Variants in ZFHX3 observed in about 807,000 individuals in gnomAD.
ZFHX3 encodes zinc finger homeobox protein 3.
ZFHX3 carries 42 observed loss-of-function variants against 279.1 expected under a neutral mutation model. The ratio of observed to expected loss-of-function variants is 0.15; its 90% CI spans 0.12 to 0.19. ZFHX3 has a LOEUF of 0.19. Among genes scored for constraint, ZFHX3 ranks in the 10% least tolerant of loss-of-function variants. The probability of loss-of-function intolerance (pLI) is 1.00; values close to 1 mark genes in which losing one functional copy is unlikely to be tolerated. For missense variants in ZFHX3, 4,981 were observed against 4,754.0 expected (o/e 1.05, Z -1.40); for synonymous variants, 2,293 against 1,957.8 (o/e 1.17, Z -4.52).
At chr16:73,874,534 C>T (rs143080594) in intron 1 of ZFHX3, among the ~76,000 whole-genome samples, 130 of 152,326 alleles carry the variant, frequency 8.5e-4, no homozygotes, top group African/African-American at 3.1e-3. Flanking sequence ...CTCACTGCTA[C>T]GGGCAGTTGC....
intron 2 of ZFHX3, among the ~76,000 whole-genome samples, chr16:73,554,482 C>T (rs2020245325): frequency 6.6e-6 from 1 of 152,228 alleles, no homozygotes; most frequent in Admixed American, 6.5e-5. Context: ...TTGCAAATAG[C>T]ACTTAAACGC....
intron 5 of ZFHX3, among the ~76,000 whole-genome samples, chr16:73,192,066 T>C (rs1412270339): frequency 6.6e-6 from 1 of 152,134 alleles, no homozygotes; most frequent in African/African-American, 2.4e-5. Context: ...TCAGGTTGCT[T>C]TTCTTCTTAT....
At chr16:73,847,118 A>G (rs1597141723) in intron 1 of ZFHX3, among the ~76,000 whole-genome samples, 2 of 152,188 alleles carry the variant, frequency 1.3e-5, no homozygotes, top group African/African-American at 2.4e-5. Flanking sequence ...CCTGACCAAC[A>G]TGGTGAAACC....
At chr16:73,884,053 G>C (rs1317921342) in intron 1 of ZFHX3, among the ~76,000 whole-genome samples, 1 of 152,170 alleles carries the variant, frequency 6.6e-6, no homozygotes, top group Admixed American at 6.5e-5. Flanking sequence ...ACCACACATA[G>C]AGTAACAGCT....
chr16:73,695,915 T>C (rs1318753218), intron 1 of ZFHX3, among the ~76,000 whole-genome samples: 1 of 152,146 alleles, frequency 6.6e-6, no homozygotes, highest in Non-Finnish European at 1.5e-5. Flanking sequence ...ACAAAGCAGA[T>C]GTAGGAGCAA....
chr16:73,563,173 TGTGTGTGTGTGTG>T (rs753270058), intron 2 of ZFHX3, among the ~76,000 whole-genome samples: 26 of 2,780 alleles, frequency 9.4e-3, no homozygotes, highest in African/African-American at 0.026. Context: ...TGTTTTGTTG[TGTGTGTGTGTGTG>T]TGTGTGTGTG....
rs144110287 is a variant in ZFHX3, at chr16:73,653,268, C to T, written c.-1547+26912G>A. Among the ~76,000 whole-genome samples the T allele has an allele frequency of 9.9e-5, 15 of 152,256 alleles. No homozygotes were observed. In the East Asian group the frequency reaches 2.7e-3, roughly 27 times the overall value. Reference sequence around the variant, plus strand: ...AATAACCTGTGTGGAACATTATACTCAGCAACTACACAACAGATTTCTTCC... The same window carrying T: ...AATAACCTGTGTGGAACATTATACTTAGCAACTACACAACAGATTTCTTCC... On this transcript the variant is annotated intron_variant, in intron 2 of 17. Coordinates refer to the ZFHX3 transcript ENST00000641206.
chr16:73,172,837 C>T (rs528328311), intron 5 of ZFHX3, among the ~76,000 whole-genome samples: 1 of 151,932 alleles, frequency 6.6e-6, no homozygotes, highest in African/African-American at 2.4e-5. Context: ...CATTGACAGT[C>T]GCCCTAAAAC....
rs145145241 is a variant in ZFHX3 at position 72,916,629 on chromosome 16, A to C, written c.3217-26667T>G. On this transcript the variant is annotated intron_variant, in intron 3 of 9. Coordinates refer to ENST00000268489, the MANE Select transcript of ZFHX3 (RefSeq NM_006885.4). Reference sequence around the variant, plus strand: ...CAGTGCAAAACTAAACAATGGAGACAGTTCTGTATGGCCCCAAGAAAAGGC... The same window carrying C: ...CAGTGCAAAACTAAACAATGGAGACCGTTCTGTATGGCCCCAAGAAAAGGC... Among the ~76,000 whole-genome samples the C allele has an allele frequency of 1.7e-3, 266 of 152,340 alleles. 3 individuals carry two copies. The highest frequency in any genetic ancestry group is 0.015 in the Admixed American group (230 of 15,292).
intron 2 of ZFHX3, among the ~76,000 whole-genome samples, chr16:73,538,804 C>T (rs953766375): frequency 5.3e-5 from 8 of 152,154 alleles, no homozygotes; most frequent in African/African-American, 1.2e-4. Context: ...ATCGGGCAAA[C>T]GACAATAACA....
chr16:73,309,198 A>G (rs1305964688), intron 4 of ZFHX3, among the ~76,000 whole-genome samples: 1 of 152,048 alleles, frequency 6.6e-6, no homozygotes, highest in Non-Finnish European at 1.5e-5. Context: ...CTAGTACCCC[A>G]TAGTTGTTTT....
intron 2 of ZFHX3, among the ~76,000 whole-genome samples, chr16:73,658,001 AAGTC>A (rs966769292): frequency 2.0e-5 from 3 of 152,248 alleles, no homozygotes; most frequent in African/African-American, 4.8e-5. Context: ...ATTTGACTGT[AAGTC>A]AGAAGACAAA....
Position 73,100,298 on chromosome 16 carries a change from C to G in ZFHX3, c.-896-6700G>C, listed in dbSNP as rs756983459. On this transcript the variant is annotated intron_variant, in intron 7 of 17. Transcript: ENST00000641206. ...GACATACTCTAGAACAGCCCAAAGC[C>G]CATGGTAAGTATTCAAAAACACCTT... 3.8e-4 allele frequency among the ~76,000 whole-genome samples: 58 copies of G among 152,244 alleles called. 1 individual carries two copies. In the Middle Eastern group the frequency reaches 0.014, roughly 36 times the overall value.
intron 2 of ZFHX3, among the ~76,000 whole-genome samples, chr16:73,494,103 C>T (rs978033438): frequency 6.6e-6 from 1 of 152,044 alleles, no homozygotes; most frequent in Non-Finnish European, 1.5e-5. Flanking sequence ...AGTCGCTTCC[C>T]GGTAGGTGCA....
intron 7 of ZFHX3, among the ~76,000 whole-genome samples, chr16:73,108,875 G>T (rs1479573907): frequency 6.6e-6 from 1 of 152,268 alleles, no homozygotes; most frequent in African/African-American, 2.4e-5. Flanking sequence ...CTGCAGGCCT[G>T]GTGGCGATGG....
chr16:72,970,024 T>C (rs939888195), intron 1 of ZFHX3, among the ~76,000 whole-genome samples: 1 of 152,188 alleles, frequency 6.6e-6, no homozygotes, highest in Non-Finnish European at 1.5e-5. Context: ...GCATCTGTGC[T>C]ATTTCCAGCA....
intron 5 of ZFHX3, among the ~76,000 whole-genome samples, chr16:73,208,642 A>G (rs2011895854): frequency 1.3e-5 from 2 of 152,370 alleles, no homozygotes; most frequent in South Asian, 2.1e-4. Context: ...ATCCAGGCAA[A>G]TATGCCTGTA....
intron 3 of ZFHX3, among the ~76,000 whole-genome samples, chr16:72,917,340 G>A (rs1038772330): frequency 6.6e-6 from 1 of 152,074 alleles, no homozygotes. Flanking sequence ...ACCATAAACA[G>A]CAAAAGATAA....
At chr16:73,310,278 G>T (rs1752238365) in intron 4 of ZFHX3, among the ~76,000 whole-genome samples, 1 of 152,088 alleles carries the variant, frequency 6.6e-6, no homozygotes, top group African/African-American at 2.4e-5. Flanking sequence ...GTGGTGAAAT[G>T]GGAGCATTCC....
Sources: gnomAD v4.1 joint callset for allele counts (sites outside exome capture counted in the v4.1 genomes callset) on GRCh38, gnomAD v4.1.1 for gene constraint, MANE v1.5 for transcripts, NCBI Gene and HGNC (gene_info 2026-07-23, HGNC 2026-07-21) for gene names.